SLC45A1: variants seen among roughly 807,000 people sequenced by gnomAD.
The protein encoded by SLC45A1 is solute carrier family 45 member 1.
SLC45A1 carries 28 observed loss-of-function variants against 57.6 expected under a neutral mutation model. The observed-to-expected ratio is 0.49, with a 90% CI of 0.36 to 0.67. SLC45A1 has a LOEUF of 0.67. Among genes scored for constraint, SLC45A1 ranks in the 30% least tolerant of loss-of-function variants. The pLI is 0.00. For missense variants in SLC45A1, 814 were observed against 1,041.5 expected (o/e 0.78, Z 3.01); for synonymous variants, 459 against 471.5 (o/e 0.97, Z 0.34).
At position 8,330,263 on chromosome 1, in the gene SLC45A1, G is replaced by A. The variant is rs772931544; in HGVS notation, c.770G>A (p.Gly257Asp). ...GGCGGAATCCACTGGGATAAAACGG[G>A]CTTCGGGAGGGCCCTGGGGGGACAG... ...VVGGIHWDKT[G>D]FGRALGGQLR... Residue 257 changes from glycine to aspartate, a missense_variant, in exon 5 of 9, where the codon GGC becomes GAC. Physicochemically the swap from Gly to Asp is moderately conservative, Grantham distance 94 (BLOSUM62 -1). Coordinates refer to ENST00000471889, the MANE Select transcript of SLC45A1 (RefSeq NM_001080397.3). This position sits in a 1 kb window ranked among gnomAD's most constrained non-coding sequence, Gnocchi z 8.4. 2.5e-6 allele frequency: 4 copies of A among 1,613,934 alleles called. No homozygotes were observed. The South Asian group carries it at 4.4e-5, about 18-fold the overall frequency.
chr1:8,333,138 G>A (rs573404658), intron 5 of SLC45A1, among the ~76,000 whole-genome samples: 19 of 152,202 alleles, frequency 1.2e-4, no homozygotes, highest in African/African-American at 2.9e-4. Context: ...TCATTCTCCC[G>A]TCAGGGGTTC....
chr1:8,325,780 T>C lies in SLC45A1; in HGVS notation c.491-38T>C. 1 of 1,578,708 alleles carries C rather than the reference T, an allele frequency of 6.3e-7. No homozygotes were observed. The highest frequency in any genetic ancestry group is 1.3e-5 in the African/African-American group (1 of 74,402). On this transcript the variant is annotated intron_variant, in intron 3 of 8. Coordinates refer to ENST00000471889, the MANE Select transcript of SLC45A1 (RefSeq NM_001080397.3). This position sits in a 1 kb window ranked among gnomAD's most constrained non-coding sequence, Gnocchi z 6.3. Reference sequence around the variant, plus strand: ...TGAGCTGCCGGGGACAGAGCTGGTCTGCATTTTCTTGGGGTGACTTTGTTT... The same window carrying C: ...TGAGCTGCCGGGGACAGAGCTGGTCCGCATTTTCTTGGGGTGACTTTGTTT...
chr1:8,321,878 GATGAATGGGTGC>G (rs1228217379), intron 1 of SLC45A1, among the ~76,000 whole-genome samples: 1 of 148,894 alleles, frequency 6.7e-6, no homozygotes, highest in Non-Finnish European at 1.5e-5. Flanking sequence ...GTGGCTGGTG[GATGAATGGGTGC>G]ATGGATGGGT....
chr1:8,327,719 G>A lies in SLC45A1; in HGVS notation c.715+1677G>A, dbSNP rs11584095. 0.16 allele frequency among the ~76,000 whole-genome samples: 24,967 copies of A among 152,070 alleles called. 2,153 individuals carry two copies. Among genetic ancestry groups the A allele is most frequent in the South Asian group, 0.29 (1,405 of 4,816 alleles). On this transcript the variant is annotated intron_variant, in intron 4 of 8. Coordinates refer to ENST00000471889, the MANE Select transcript of SLC45A1 (RefSeq NM_001080397.3). This position sits in a 1 kb window ranked among gnomAD's most constrained non-coding sequence, Gnocchi z 4.3. ...TGCCTTGTTACAGAATAAAATGGAA[G>A]AAAAAAATTCCATTTAAAATAGCAA...
rs773484909 is a variant in SLC45A1 at position 8,343,783 on chromosome 1, A to G, written c.2017A>G (p.Met673Val). The G allele has an allele frequency of 6.2e-7, 1 of 1,613,876 alleles. No individual in the cohort carries two copies. Among genetic ancestry groups the G allele is most frequent in the Non-Finnish European group, 8.5e-7 (1 of 1,179,878 alleles). ...CAGTGCGGACGGCACCCGGCGGGGC[A>G]TGGGCGTGGACATCTCTCTGCTGAG... The part of the protein sequence containing the change: ...GSSADGTRRG[M>V]GVDISLLSCQ... Residue 673 changes from methionine to valine, a missense_variant, in exon 9 of 9, where the codon ATG (methionine) becomes GTG (valine). Transcript: ENST00000471889. The surrounding 1 kb of genome is among the most constrained non-coding windows in gnomAD (Gnocchi z 7.7).
In SLC45A1 at chr1:8,328,399, C is replaced by A. The variant is rs775805306; in HGVS notation, c.716-1810C>A. On this transcript the variant is annotated intron_variant, in intron 4 of 8. Coordinates refer to ENST00000471889, the MANE Select transcript of SLC45A1 (RefSeq NM_001080397.3). This position sits in a 1 kb window ranked among gnomAD's most constrained non-coding sequence, Gnocchi z 4.6. ...TGCCGCTTCTCTTCCTCTTTCCACA[C>A]GTGCGCTGCTGTGGGCGAGGGAACT... Among the ~76,000 whole-genome samples, 1 of 152,194 alleles carries A rather than the reference C, an allele frequency of 6.6e-6. No homozygotes were observed. Among genetic ancestry groups the A allele is most frequent in the Admixed American group, 6.5e-5 (1 of 15,280 alleles).
intron 7 of SLC45A1, among the ~76,000 whole-genome samples, 157 bp downstream of exon 7, chr1:8,338,149 G>C (rs1045714858): frequency 6.6e-6 from 1 of 152,232 alleles, no homozygotes; most frequent in Non-Finnish European, 1.5e-5. Context: ...CGCTGGGCCT[G>C]GGGGAGCTGG....
intron 8 of SLC45A1, among the ~76,000 whole-genome samples, chr1:8,340,169 T>C (rs1447872981): frequency 5.9e-5 from 9 of 151,536 alleles, no homozygotes; most frequent in Middle Eastern, 3.4e-3. Context: ...TTCTTTCTTT[T>C]TTTTTTTTTT....
At chr1:8,342,328 C>T (rs1050311210) in intron 8 of SLC45A1, among the ~76,000 whole-genome samples, 4 of 152,196 alleles carry the variant, frequency 2.6e-5, no homozygotes, top group Admixed American at 6.5e-5. Flanking sequence ...GTGCACCGTT[C>T]GGCGGTTTCA....
chr1:8,335,221 T>C lies in SLC45A1; in HGVS notation c.1444-216T>C, dbSNP rs564920609. Among the ~76,000 whole-genome samples, 2 of 152,316 alleles carry C rather than the reference T, an allele frequency of 1.3e-5. No individual in the cohort carries two copies. The highest frequency in any genetic ancestry group is 3.9e-4 in the East Asian group (2 of 5,170). On this transcript the variant is annotated intron_variant, in intron 5 of 8. Coordinates refer to ENST00000471889, the MANE Select transcript of SLC45A1 (RefSeq NM_001080397.3). This position sits in a 1 kb window ranked among gnomAD's most constrained non-coding sequence, Gnocchi z 4.1. ...CACTGTGGGCACACCTGAAATGGAA[T>C]TCTAGCCTTAGCTGCTCCGGGGCCT...
At position 8,319,546 on chromosome 1, in the gene SLC45A1, C is replaced by T. The variant is rs146938491; in HGVS notation, c.-25+1360C>T. Among the ~76,000 whole-genome samples, 92 of 152,248 alleles carry T rather than the reference C, an allele frequency of 6.0e-4. No individual in the cohort carries two copies. The East Asian group carries it at 0.01, about 17-fold the overall frequency. On this transcript the variant is annotated intron_variant, in intron 1 of 8. Transcript: ENST00000471889. ...CACAGTGGACCCCTTGCATAGCCTT[C>T]GGGGGATCCAGGGAGATGAGTGGAT...
At position 8,330,458 on chromosome 1, in the gene SLC45A1, C is replaced by A. The variant is rs748111445; in HGVS notation, c.965C>A (p.Pro322His). 27 of 1,611,980 alleles carry A rather than the reference C, an allele frequency of 1.7e-5. No individual in the cohort carries two copies. Among genetic ancestry groups the A allele is most frequent in the African/African-American group, 2.7e-5 (2 of 74,920 alleles). Residue 322 changes from proline (P) to histidine (H), a missense_variant, in exon 5 of 9, where the codon CCT becomes CAT. Transcript: ENST00000471889. The surrounding 1 kb of genome is among the most constrained non-coding windows in gnomAD (Gnocchi z 8.4). Reference protein sequence around the residue: ...PSPPVLPEEGPGDSLPSHTAT... With the variant: ...PSPPVLPEEGHGDSLPSHTAT... ...CCACCCGTCCTGCCAGAGGAAGGCC[C>A]TGGCGACAGCCTCCCGTCGCACACG... is the stretch of plus-strand genomic sequence containing the variant.
chr1:8,329,170 G>A (rs1248664122), intron 4 of SLC45A1, among the ~76,000 whole-genome samples: 2 of 152,190 alleles, frequency 1.3e-5, no homozygotes, highest in African/African-American at 2.4e-5. Context: ...CCTTAGGTAC[G>A]TGTGGAAGGC....
intron 1 of SLC45A1, among the ~76,000 whole-genome samples, chr1:8,319,640 A>G (rs1443073582): frequency 2.0e-5 from 3 of 152,336 alleles, no homozygotes; most frequent in African/African-American, 7.2e-5. Context: ...GTATTTGTGC[A>G]TGAAAATTAG....
rs1424296147 is a variant in SLC45A1, at chr1:8,330,107, G to A, written c.716-102G>A. The stretch of plus-strand genomic sequence containing the variant: ...GAACAGGTTCTGTGCCCACGTCCCT[G>A]GAATGGCCTTGGCTACCTTCATGTC... On this transcript the variant is annotated intron_variant, in intron 4 of 8. Coordinates refer to ENST00000471889, the MANE Select transcript of SLC45A1 (RefSeq NM_001080397.3). This position sits in a 1 kb window ranked among gnomAD's most constrained non-coding sequence, Gnocchi z 8.4. The A allele has an allele frequency of 1.4e-6, 2 of 1,412,384 alleles. No homozygotes were observed. The highest frequency in any genetic ancestry group is 1.9e-6 in the Non-Finnish European group (2 of 1,032,974). 87.5% of individuals were successfully genotyped at this position (1,412,384 alleles called of 1,614,324 possible).
rs527945828 is a variant in SLC45A1, at chr1:8,323,757, C to A, written c.-24-549C>A. On this transcript the variant is annotated intron_variant, in intron 1 of 8. Transcript: ENST00000471889. ...TTAGGGAGAGTGCCCTGGCCTACCG[C>A]GAAGGAGGGAACACAAGCGTTAGGG... 1.3e-4 allele frequency among the ~76,000 whole-genome samples: 20 copies of A among 152,274 alleles called. No homozygotes were observed. In the South Asian group the frequency reaches 2.9e-3, roughly 22 times the overall value.
Position 8,326,112 on chromosome 1 carries a change from C to A in SLC45A1, c.715+70C>A, listed in dbSNP as rs1640196779. 1.7e-6 allele frequency: 2 copies of A among 1,172,252 alleles called. No homozygotes were observed. The highest frequency in any genetic ancestry group is 1.2e-6 in the Non-Finnish European group (1 of 809,786). The allele number at this position is 1,172,252 out of a possible 1,614,324, so 72.6% of individuals were successfully genotyped here. ...GGCTTCAGACGTGTGGCTTTCGAGGCCCTTCCTCACTCCCTGATTTAACAA... is the reference window on the plus strand; with the variant it reads ...GGCTTCAGACGTGTGGCTTTCGAGGACCTTCCTCACTCCCTGATTTAACAA... On this transcript the variant is annotated intron_variant, in intron 4 of 8. Coordinates refer to ENST00000471889, the MANE Select transcript of SLC45A1 (RefSeq NM_001080397.3). This position sits in a 1 kb window ranked among gnomAD's most constrained non-coding sequence, Gnocchi z 5.5.
At chr1:8,320,734 C>CACACACACACTT (rs1553149616) in intron 1 of SLC45A1, among the ~76,000 whole-genome samples, 4 of 149,426 alleles carry the variant, frequency 2.7e-5, no homozygotes, top group African/African-American at 9.9e-5. Context: ...CACACACACA[C>CACACACACACTT]CTGCCATATG....
At chr1:8,334,682 G>A (rs574533580) in intron 5 of SLC45A1, among the ~76,000 whole-genome samples, 9 of 152,194 alleles carry the variant, frequency 5.9e-5, no homozygotes, top group East Asian at 5.8e-4. Flanking sequence ...CAGCCCAGGC[G>A]ACAGAGCGAA....
Sources: gnomAD v4.1 joint callset for allele counts (sites outside exome capture counted in the v4.1 genomes callset) on GRCh38, gnomAD v4.1.1 for gene constraint, Gnocchi (gnomAD v3.1) non-coding constraint, MANE v1.5 for transcripts, NCBI Gene and HGNC (gene_info 2026-07-23, HGNC 2026-07-21) for gene names.